SYN3: variants seen among roughly 807,000 people sequenced by gnomAD.
The protein encoded by SYN3 is synapsin III, also known as synapsin-3.
Under a neutral mutation model 65.8 loss-of-function variants are expected in SYN3, and 35 were observed. The ratio of observed to expected loss-of-function variants is 0.53; its 90% CI spans 0.41 to 0.70. The LOEUF is 0.70. Among genes scored for constraint, SYN3 ranks in the 30% least tolerant of loss-of-function variants. The pLI, the probability that SYN3 is intolerant of heterozygous loss-of-function variation, is 0.00. For missense variants in SYN3, 680 were observed against 749.0 expected (o/e 0.91, Z 1.08); for synonymous variants, 270 against 292.9 (o/e 0.92, Z 0.80).
intron 12 of SYN3, among the ~76,000 whole-genome samples, chr22:32,523,290 A>G (rs1474877867): frequency 6.6e-6 from 1 of 152,166 alleles, no homozygotes; most frequent in East Asian, 1.9e-4. Flanking sequence ...AGGCAGGCGG[A>G]TCACAAGGTC....
In SYN3 at chr22:32,518,298, C is replaced by A; in HGVS notation, c.1355G>T (p.Arg452Ile). The change falls in exon 13 of 14, where the codon AGA (arginine) becomes ATA (isoleucine). Residue 452 changes from arginine (R) to isoleucine (I), a missense_variant. By Grantham distance (97) the Arg-to-Ile change is moderately conservative. Transcript: ENST00000358763. ...PRQAQSPQPQ[R>I]SGSPSQQRLS... ...CCTCTGTTGGGAGGGGCTTCCAGATCTCTGGGGCTGAGGAGACTGAGCTTG... is the reference window on the plus strand; with the variant it reads ...CCTCTGTTGGGAGGGGCTTCCAGATATCTGGGGCTGAGGAGACTGAGCTTG... The A allele has an allele frequency of 6.2e-7, 1 of 1,609,834 alleles. No homozygotes were observed. The highest frequency in any genetic ancestry group is 1.1e-5 in the South Asian group (1 of 90,552).
intron 6 of SYN3, among the ~76,000 whole-genome samples, chr22:32,637,204 G>A (rs9619284): frequency 0.19 from 28,790 of 152,148 alleles, 6,179 homozygotes; most frequent in African/African-American, 0.53. Flanking sequence ...CCAATGTCTG[G>A]AGCCAGACTG....
intron 2 of SYN3, among the ~76,000 whole-genome samples, chr22:32,989,621 G>A (rs2052633456): frequency 6.6e-6 from 1 of 151,970 alleles, no homozygotes. Context: ...GATCACCTGA[G>A]GTCAGGAGTT....
intron 4 of SYN3, among the ~76,000 whole-genome samples, chr22:32,883,136 C>T (rs1332336174): frequency 6.6e-6 from 1 of 152,108 alleles, no homozygotes; most frequent in African/African-American, 2.4e-5. Flanking sequence ...TTTAGGGGGC[C>T]CCCATGGGTG....
intron 3 of SYN3, among the ~76,000 whole-genome samples, chr22:32,973,986 G>A (rs894791711): frequency 1.3e-4 from 20 of 151,934 alleles, no homozygotes; most frequent in Non-Finnish European, 1.8e-4. Context: ...ACAGGGTTTC[G>A]CCATGTTGGC....
chr22:32,965,169 C>T (rs559538001), intron 3 of SYN3, among the ~76,000 whole-genome samples: 7 of 152,296 alleles, frequency 4.6e-5, no homozygotes, highest in African/African-American at 1.4e-4. Context: ...TAAATGTATA[C>T]AGATAAACTG....
At chr22:32,719,281 C>G (rs1296568371) in intron 6 of SYN3, among the ~76,000 whole-genome samples, 1 of 152,202 alleles carries the variant, frequency 6.6e-6, no homozygotes, top group African/African-American at 2.4e-5. Flanking sequence ...TCCTAGCATA[C>G]AGTTAGTATT....
intron 6 of SYN3, chr22:32,861,099 T>G (rs1425253075): frequency 6.6e-6 from 1 of 151,790 alleles, no homozygotes; most frequent in Non-Finnish European, 1.5e-5. Context: ...AGCTTATGGG[T>G]ATTTATCTTC....
chr22:32,585,725 T>G (rs1467545718), intron 7 of SYN3, among the ~76,000 whole-genome samples: 1 of 140,760 alleles, frequency 7.1e-6, no homozygotes, highest in Non-Finnish European at 1.5e-5. Flanking sequence ...AGGTGAACAT[T>G]GGGTTACACA....
At chr22:32,755,350 G>A (rs1369297239) in intron 6 of SYN3, among the ~76,000 whole-genome samples, 2 of 152,202 alleles carry the variant, frequency 1.3e-5, no homozygotes, top group Non-Finnish European at 2.9e-5. Flanking sequence ...CACACTGACT[G>A]TTCCAGAGGG....
chr22:32,978,426 G>A (rs920604274), intron 3 of SYN3, among the ~76,000 whole-genome samples: 1 of 152,088 alleles, frequency 6.6e-6, no homozygotes, highest in African/African-American at 2.4e-5. Flanking sequence ...AGGGGAAGAT[G>A]ATGTGTCCTA....
At chr22:32,686,926 A>T (rs974435984) in intron 6 of SYN3, among the ~76,000 whole-genome samples, 9 of 151,952 alleles carry the variant, frequency 5.9e-5, no homozygotes, top group African/African-American at 2.2e-4. Flanking sequence ...ATGTTATGAA[A>T]TGCCTTATCC....
At chr22:32,818,911 C>T (rs1311846256) in intron 6 of SYN3, among the ~76,000 whole-genome samples, 1 of 152,198 alleles carries the variant, frequency 6.6e-6, no homozygotes, top group Non-Finnish European at 1.5e-5. Context: ...TTCAAGCCAG[C>T]CAGCGGGGTC....
At chr22:32,625,226 C>T (rs2059649163) in intron 6 of SYN3, among the ~76,000 whole-genome samples, 1 of 152,164 alleles carries the variant, frequency 6.6e-6, no homozygotes, top group Non-Finnish European at 1.5e-5. Context: ...CTGGGACCAC[C>T]CAGTGTTGTT....
chr22:32,915,157 G>T (rs2146603538), intron 4 of SYN3, among the ~76,000 whole-genome samples: 1 of 152,288 alleles, frequency 6.6e-6, no homozygotes, highest in South Asian at 2.1e-4. Context: ...AGCATTAGGA[G>T]AAATACCTAA....
chr22:32,786,200 T>C (rs2046190736), intron 6 of SYN3, among the ~76,000 whole-genome samples: 1 of 151,904 alleles, frequency 6.6e-6, no homozygotes, highest in Non-Finnish European at 1.5e-5. Context: ...GGAAGCTGAG[T>C]TCCAGAGAAG....
intron 6 of SYN3, among the ~76,000 whole-genome samples, chr22:32,821,635 A>C (rs1387710215): frequency 1.3e-5 from 2 of 152,062 alleles, no homozygotes; most frequent in African/African-American, 4.8e-5. Context: ...GGAAGAGCGG[A>C]GGCCCAGAGA....
chr22:32,881,113 C>T (rs1035793115), intron 4 of SYN3, among the ~76,000 whole-genome samples: 2 of 152,148 alleles, frequency 1.3e-5, no homozygotes, highest in East Asian at 1.9e-4. Context: ...GGCTGCTGCT[C>T]GGGGAAGGGG....
intron 6 of SYN3, among the ~76,000 whole-genome samples, chr22:32,623,109 T>C (rs1040400581): frequency 1.3e-5 from 2 of 151,902 alleles, no homozygotes; most frequent in African/African-American, 4.8e-5. Flanking sequence ...GGAAGGAGCA[T>C]GAAAGTGAGA....
Sources: allele counts gnomAD v4.1 joint callset (sites outside exome capture counted in the v4.1 genomes callset), GRCh38; gene constraint gnomAD v4.1.1; transcripts MANE v1.5; gene names NCBI Gene and HGNC (gene_info 2026-07-23, HGNC 2026-07-21).